FRK: variants seen among roughly 807,000 people sequenced by gnomAD.
The protein encoded by FRK is tyrosine-protein kinase FRK.
A neutral mutation model predicts 56.4 loss-of-function variants in FRK; 51 were observed. The ratio of observed to expected loss-of-function variants is 0.90; its 90% CI spans 0.72 to 1.14. The LOEUF (loss-of-function observed/expected upper bound fraction) is 1.14. Among genes scored for constraint, FRK ranks in the 50% most tolerant of loss-of-function variants. The pLI, the probability that FRK is intolerant of heterozygous loss-of-function variation, is 0.00. For missense variants in FRK, 570 were observed against 601.4 expected (o/e 0.95, Z 0.55); for synonymous variants, 245 against 217.9 (o/e 1.12, Z -1.10).
intron 1 of FRK, among the ~76,000 whole-genome samples, chr6:116,008,492 T>A (rs1326585350): frequency 6.6e-6 from 1 of 152,230 alleles, no homozygotes; most frequent in African/African-American, 2.4e-5. Context: ...GTAGTGGCAT[T>A]TATAACATCG....
chr6:115,979,847 C>A (rs1188145660), intron 2 of FRK, among the ~76,000 whole-genome samples: 1 of 152,042 alleles, frequency 6.6e-6, no homozygotes, highest in Non-Finnish European at 1.5e-5. Flanking sequence ...ATAGGCTATA[C>A]CACAGAGCTT....
chr6:115,959,572 T>A (rs1298148385), intron 4 of FRK, among the ~76,000 whole-genome samples: 1 of 152,204 alleles, frequency 6.6e-6, no homozygotes, highest in Non-Finnish European at 1.5e-5. Flanking sequence ...CACTTTAAAG[T>A]GCCTGTCTCT....
intron 1 of FRK, among the ~76,000 whole-genome samples, chr6:116,058,633 G>A (rs1362100058): frequency 6.6e-5 from 10 of 152,118 alleles, no homozygotes; most frequent in African/African-American, 2.2e-4. Context: ...CATTTTGGCC[G>A]GGCGCGGTGG....
intron 2 of FRK, among the ~76,000 whole-genome samples, chr6:115,992,224 C>T (rs1228007912): frequency 6.6e-6 from 1 of 151,666 alleles, no homozygotes; most frequent in African/African-American, 2.4e-5. Context: ...CCACTATTTT[C>T]CATTTGCTTT....
At chr6:116,037,518 G>C (rs977330299) in intron 1 of FRK, among the ~76,000 whole-genome samples, 1 of 152,114 alleles carries the variant, frequency 6.6e-6, no homozygotes, top group African/African-American at 2.4e-5. Flanking sequence ...TATAAGCACA[G>C]AATCATGAAC....
intron 5 of FRK, among the ~76,000 whole-genome samples, chr6:115,944,806 C>A (rs369394726): frequency 1.3e-5 from 2 of 152,022 alleles, no homozygotes; most frequent in Admixed American, 1.3e-4. Context: ...GGTTATTGCA[C>A]AGATTATTTC....
At chr6:115,951,142 C>A (rs1219543553) in intron 5 of FRK, among the ~76,000 whole-genome samples, 1 of 151,970 alleles carries the variant, frequency 6.6e-6, no homozygotes, top group Non-Finnish European at 1.5e-5. Context: ...ATGTTCTACA[C>A]CTGTATCCCA....
At chr6:116,019,213 C>T (rs1423687079) in intron 1 of FRK, among the ~76,000 whole-genome samples, 1 of 152,068 alleles carries the variant, frequency 6.6e-6, no homozygotes, top group East Asian at 1.9e-4. Flanking sequence ...GAGTGGAAAC[C>T]TTATCTTTTA....
chr6:115,984,664 T>C (rs1361462381), intron 2 of FRK, among the ~76,000 whole-genome samples: 1 of 151,984 alleles, frequency 6.6e-6, no homozygotes, highest in African/African-American at 2.4e-5. Context: ...TCCTCTTGTT[T>C]TTTGTTTTGT....
intron 1 of FRK, among the ~76,000 whole-genome samples, chr6:116,023,195 C>A (rs1775946014): frequency 6.6e-6 from 1 of 152,112 alleles, no homozygotes; most frequent in African/African-American, 2.4e-5. Flanking sequence ...TATGTAAAGT[C>A]AAAATAGTAC....
the FRK span, among the ~76,000 whole-genome samples, chr6:116,088,807 CAGTT>C: frequency 6.6e-6 from 1 of 152,188 alleles, no homozygotes. Flanking sequence ...TGCTTTCAGT[CAGTT>C]AAGTCATGAA....
At chr6:116,063,842 A>T (rs1037113331), upstream of FRK, among the ~76,000 whole-genome samples, 2 of 152,180 alleles carry the variant, frequency 1.3e-5, no homozygotes, top group African/African-American at 4.8e-5. Context: ...TTTTTTTTTA[A>T]AAAAAGTATT....
chr6:116,018,135 C>T (rs1490667195), intron 1 of FRK, among the ~76,000 whole-genome samples: 2 of 152,112 alleles, frequency 1.3e-5, no homozygotes, highest in Non-Finnish European at 2.9e-5. Flanking sequence ...ACTCCTCTTC[C>T]TCCTTTCTCT....
chr6:116,059,013 T>TC (rs1316228997), intron 1 of FRK, among the ~76,000 whole-genome samples: 1 of 151,744 alleles, frequency 6.6e-6, no homozygotes, highest in Admixed American at 6.6e-5. Context: ...AATGACAGTC[T>TC]CCATTTGCTT....
intron 2 of FRK, among the ~76,000 whole-genome samples, chr6:115,999,380 G>A (rs765992816): frequency 7.9e-5 from 12 of 152,074 alleles, no homozygotes; most frequent in East Asian, 1.9e-4. Flanking sequence ...GAGAGGTGTC[G>A]TGGCCCTAAC....
the FRK span, among the ~76,000 whole-genome samples, chr6:116,082,544 A>G: frequency 6.6e-6 from 1 of 152,180 alleles, no homozygotes; most frequent in Non-Finnish European, 1.5e-5. Context: ...TTCTGGATAT[A>G]TGTTTAAAGT....
the FRK span, among the ~76,000 whole-genome samples, chr6:116,076,007 A>T: frequency 9.9e-5 from 15 of 152,188 alleles, no homozygotes. Flanking sequence ...TTCTTCCTGG[A>T]AATTCCTTCT....
intron 1 of FRK, among the ~76,000 whole-genome samples, chr6:116,043,151 C>A (rs1776795217): frequency 6.6e-6 from 1 of 152,074 alleles, no homozygotes; most frequent in Non-Finnish European, 1.5e-5. Context: ...GACTTTAACA[C>A]CCACTGTTAA....
intron 1 of FRK, among the ~76,000 whole-genome samples, chr6:116,039,660 A>C (rs931427326): frequency 3.9e-5 from 6 of 152,010 alleles, no homozygotes; most frequent in African/African-American, 1.5e-4. Context: ...TCACCCTGTA[A>C]TGGTTGGGAC....
Sources: allele counts gnomAD v4.1 joint callset (sites outside exome capture counted in the v4.1 genomes callset), GRCh38; gene constraint gnomAD v4.1.1; transcripts MANE v1.5; gene names NCBI Gene and HGNC (gene_info 2026-07-23, HGNC 2026-07-21).